The following BCORL1 variants were observed in gnomAD, a reference collection of about 807,000 sequenced individuals.
BCORL1 encodes the protein BCL6 corepressor like 1, also known as BCL-6 corepressor-like protein 1.
BCORL1 carries 7 observed loss-of-function variants against 87.6 expected under a neutral mutation model. That is an observed-to-expected ratio of 0.08 (90% confidence interval 0.05 to 0.15). The LOEUF is 0.15. Ranked by LOEUF, BCORL1 falls within the 10% of genes least tolerant of loss-of-function variation. The pLI is 1.00. For synonymous variants in BCORL1, 591 were observed against 634.4 expected (o/e 0.93, Z 1.03); for missense variants, 1,215 against 1,499.7 (o/e 0.81, Z 3.13).
In BCORL1 at chrX:130,014,386, G is replaced by T. The variant is rs1168672113; in HGVS notation, c.1614G>T (p.Gln538His). ...CTSPSGSTTT[Q>H]PAPDGVPGPL... ...CCCCATCCGGTAGCACCACCACCCA[G>T]CCTGCACCCGATGGGGTCCCTGGGC... Residue 538 changes from glutamine to histidine, a missense_variant, in exon 4 of 14, where the codon CAG becomes CAT. Coordinates refer to ENST00000540052, the MANE Select transcript of BCORL1 (RefSeq NM_001379451.1). 3 of 1,211,445 alleles carry T rather than the reference G, an allele frequency of 2.5e-6. No individual in the cohort carries two copies. Among genetic ancestry groups the T allele is most frequent in the Non-Finnish European group, 3.4e-6 (3 of 895,432 alleles).
chrX:130,004,895 C>T (rs1928368259), intron 1 of BCORL1, among the ~76,000 whole-genome samples: 2 of 111,836 alleles, frequency 1.8e-5, no homozygotes, highest in South Asian at 7.3e-4. Flanking sequence ...ATACTGTCAT[C>T]TCATTTGTCT....
chrX:130,017,099 T>G, intron 4 of BCORL1, among the ~76,000 whole-genome samples: 1 of 111,994 alleles, frequency 8.9e-6, no homozygotes, highest in Non-Finnish European at 1.9e-5. Flanking sequence ...ATGGTCTTTT[T>G]TGGACCATAG....
At chrX:130,011,457 T>C (rs889685468) in intron 2 of BCORL1, among the ~76,000 whole-genome samples, 3 of 111,214 alleles carry the variant, frequency 2.7e-5, no homozygotes, top group Non-Finnish European at 3.8e-5. Context: ...CAGGCTGATA[T>C]TGAACTCCTG....
intron 11 of BCORL1, among the ~76,000 whole-genome samples, chrX:130,040,108 C>T (rs1931220932): frequency 1.8e-5 from 2 of 112,140 alleles, no homozygotes; most frequent in Admixed American, 9.4e-5. Context: ...ACTGCCTGAG[C>T]GGCGGAGCAG....
At chrX:130,020,369 C>T (rs937840372) in intron 4 of BCORL1, among the ~76,000 whole-genome samples, 17 of 112,124 alleles carry the variant, frequency 1.5e-4, no homozygotes, top group Non-Finnish European at 1.3e-4. Flanking sequence ...GCTGAAAGTG[C>T]TACAGAGTAT....
chrX:130,056,008 G>A lies in BCORL1; in HGVS notation c.5230G>A (p.Glu1744Lys), dbSNP rs1000714095. Residue 1744 changes from glutamate to lysine, a missense_variant, in exon 14 of 14, where the codon GAG becomes AAG. Transcript: ENST00000540052. The part of the protein sequence containing the change: ...VASSQLLTPA[E>K]RPGGLDDRSP... ...CTCCAGTCAGCTGCTGACCCCTGCC[G>A]AGAGGCCTGGAGGCTTGGACGACAG... is the stretch of plus-strand genomic sequence containing the variant. 6 of 1,212,117 alleles carry A rather than the reference G, an allele frequency of 5.0e-6. No homozygotes were observed. The highest frequency in any genetic ancestry group is 3.0e-5 in the East Asian group (1 of 33,846).
intron 8 of BCORL1, 96 bp downstream of exon 8, chrX:130,028,957 C>G: frequency 1.5e-6 from 1 of 660,926 alleles, no homozygotes; most frequent in South Asian, 2.7e-5. Context: ...CAAATTAACC[C>G]ATATTTAGTA....
Position 130,021,099 on chromosome X carries a change from A to G in BCORL1, c.3556A>G (p.Thr1186Ala). 1 of 1,201,763 alleles carries G rather than the reference A, an allele frequency of 8.3e-7. No homozygotes were observed. Among genetic ancestry groups the G allele is most frequent in the Non-Finnish European group, 1.1e-6 (1 of 891,672 alleles). The change falls in exon 5 of 14, where the codon ACA (threonine) becomes GCA (alanine). Residue 1186 changes from threonine to alanine, a missense_variant. Physicochemically the swap from Thr to Ala is moderately conservative, Grantham distance 58. Transcript: ENST00000540052. ...VRGKHKHRKP[T>A]KPESQSPGKR... ...GGGAAAGCACAAGCACCGGAAGCCG[A>G]CAAAGCCGGAGTCCCAGTCTCCAGG...
chrX:130,036,696 G>A (rs926970421), intron 9 of BCORL1, among the ~76,000 whole-genome samples: 3 of 112,564 alleles, frequency 2.7e-5, no homozygotes, highest in African/African-American at 9.7e-5. Context: ...ACCAGAGGCT[G>A]TGCTCTCCAC....
intron 5 of BCORL1, among the ~76,000 whole-genome samples, chrX:130,021,646 G>A (rs775004377): frequency 8.9e-6 from 1 of 111,951 alleles, no homozygotes; most frequent in East Asian, 2.8e-4. Context: ...GGGCTGGTAT[G>A]TGTCCCTAAC....
In BCORL1 at chrX:130,015,431, G is replaced by A. The variant is rs374938722; in HGVS notation, c.2659G>A (p.Gly887Arg). The A allele has an allele frequency of 2.0e-5, 24 of 1,210,918 alleles. No individual in the cohort carries two copies. In the Admixed American group the frequency reaches 4.4e-4, roughly 22 times the overall value. ...SSEAVHGLPEGQPRPGGSFVP... is the reference protein window; with the variant it reads ...SSEAVHGLPERQPRPGGSFVP... ...CGAAGCCGTGCACGGACTTCCTGAG[G>A]GGCAACCACGGCCTGGGGGCTCCTT... The change falls in exon 4 of 14, where the codon GGG (glycine) becomes AGG (arginine). Residue 887 changes from glycine (G) to arginine (R), a missense_variant. Gly to Arg is a moderately radical substitution (Grantham distance 125, BLOSUM62 -2). Around this residue, in one of 5 missense-constraint regions of BCORL1, gnomAD observed 861 missense variants for 1,010.0 expected, o/e 0.85. Transcript: ENST00000540052.
intron 5 of BCORL1, 92 bp from the exon 6 acceptor site, chrX:130,022,805 C>A: frequency 1.3e-6 from 1 of 783,227 alleles, no homozygotes; most frequent in Admixed American, 2.3e-5. Context: ...CTTTCTCAAT[C>A]TTTCCCCCGA....
chrX:130,043,785 T>TATATATATATATATATA (rs59484337), intron 11 of BCORL1, among the ~76,000 whole-genome samples: 1 of 10,437 alleles, frequency 9.6e-5, no homozygotes, highest in Non-Finnish European at 1.4e-4. Context: ...TATATATATA[T>TATATATATATATATATA]TTTTTTTTTT....
intron 11 of BCORL1, among the ~76,000 whole-genome samples, chrX:130,047,154 T>C (rs1931806341): frequency 8.9e-6 from 1 of 111,970 alleles, no homozygotes; most frequent in African/African-American, 3.2e-5. Context: ...TTGGGCTGTG[T>C]TCCCCTTTTG....
Position 130,051,963 on chromosome X carries a change from C to G in BCORL1, c.5022C>G (p.Leu1674=), listed in dbSNP as rs1267025595. The part of the protein sequence containing the change: ...PMEEDDFMFE[L]SDKPLLPCYN... Reference sequence around the variant, plus strand: ...AGGAGGATGATTTCATGTTTGAACTCTCAGACAAGCCTCTTCTCCCTTGCT... The same window carrying G: ...AGGAGGATGATTTCATGTTTGAACTGTCAGACAAGCCTCTTCTCCCTTGCT... The change falls in exon 13 of 14, where the codon CTC becomes CTG. Residue 1674 remains leucine (L), a synonymous_variant. Coordinates refer to ENST00000540052, the MANE Select transcript of BCORL1 (RefSeq NM_001379451.1). 1 of 1,208,963 alleles carries G rather than the reference C, an allele frequency of 8.3e-7. No individual in the cohort carries two copies. The highest frequency in any genetic ancestry group is 2.2e-5 in the Admixed American group (1 of 45,659).
At chrX:130,038,456 C>T (rs1205923444) in intron 10 of BCORL1, among the ~76,000 whole-genome samples, 1 of 107,944 alleles carries the variant, frequency 9.3e-6, no homozygotes, top group Admixed American at 9.8e-5. Context: ...GTTCCCTGAA[C>T]TGAAGTATCC....
intron 4 of BCORL1, among the ~76,000 whole-genome samples, chrX:130,019,806 C>T (rs1219881850): frequency 1.8e-5 from 2 of 112,349 alleles, no homozygotes; most frequent in East Asian, 5.5e-4. Context: ...CTTTCCTCCT[C>T]GGACCTGCTT....
intron 3 of BCORL1, 134 bp downstream of exon 3, chrX:130,012,802 G>C: frequency 2.0e-6 from 2 of 1,008,483 alleles, no homozygotes. Flanking sequence ...GTATTGGTGG[G>C]ACACAAATTG....
intron 1 of BCORL1, among the ~76,000 whole-genome samples, chrX:129,987,061 T>C (rs748386367): frequency 9.0e-6 from 1 of 111,483 alleles, no homozygotes; most frequent in East Asian, 2.8e-4. Context: ...TCATCACTGG[T>C]CCCATGTAAG....
Sources: gnomAD v4.1 joint callset for allele counts (sites outside exome capture counted in the v4.1 genomes callset) on GRCh38, gnomAD v4.1.1 for gene constraint, gnomAD v4.1.1 regional missense constraint, MANE v1.5 for transcripts, NCBI Gene and HGNC (gene_info 2026-07-23, HGNC 2026-07-21) for gene names.